PI4KA: variants seen among roughly 807,000 people sequenced by gnomAD.
PI4KA encodes phosphatidylinositol 4-kinase alpha, also known as PI4-kinase alpha.
PI4KA carries 122 observed loss-of-function variants against 271.4 expected under a neutral mutation model. The ratio of observed to expected loss-of-function variants is 0.45; its 90% CI spans 0.39 to 0.52. The LOEUF (loss-of-function observed/expected upper bound fraction) is 0.52. PI4KA is among the 20% of genes least tolerant of loss of function. The pLI is 0.00. For synonymous variants in PI4KA, 1,041 were observed against 1,078.8 expected, an observed-to-expected ratio of 0.96 and a Z score of 0.69; for missense variants, 1,969 against 2,769.1, an observed-to-expected ratio of 0.71 and a Z score of 6.48.
chr22:20,853,851 G>T (rs1341398676), intron 1 of PI4KA, among the ~76,000 whole-genome samples: 1 of 151,874 alleles, frequency 6.6e-6, no homozygotes, highest in Non-Finnish European at 1.5e-5. Context: ...AAGGCAGGAG[G>T]ATCCCTTAAG....
Position 20,768,594 on chromosome 22 carries a change from C to G in PI4KA, c.2329-2901G>C, listed in dbSNP as rs183117307. 3.5e-3 allele frequency among the ~76,000 whole-genome samples: 531 copies of G among 152,322 alleles called. 3 individuals are homozygous for G. The highest frequency in any genetic ancestry group is 6.8e-3 in the Middle Eastern group (2 of 294). On this transcript the variant is annotated intron_variant, in intron 19 of 54. Transcript: ENST00000255882. Reference sequence around the variant, plus strand: ...AATGTCTATATTTCCTGGAGCTCTTCCATCAACATGTTCCTTTTACAATCA... The same window carrying G: ...AATGTCTATATTTCCTGGAGCTCTTGCATCAACATGTTCCTTTTACAATCA...
rs753350770 is a variant in PI4KA, at chr22:20,727,347, A to G, written c.4824T>C (p.His1608=). The G allele has an allele frequency of 3.1e-6, 5 of 1,611,700 alleles. No homozygotes were observed. Among genetic ancestry groups the G allele is most frequent in the Non-Finnish European group, 4.2e-6 (5 of 1,179,536 alleles). Residue 1608 remains histidine (H), a synonymous_variant, in exon 41 of 55, where the codon CAT becomes CAC. Coordinates refer to ENST00000255882, the MANE Select transcript of PI4KA (RefSeq NM_058004.4). ...TIDADAPELS[H]VLCWAPTDPP... Reference sequence around the variant, plus strand: ...GGTCCGTGGGCGCCCAGCACAGCACATGGCTGAGCTCTGGAGCATCGGCGT... The same window carrying G: ...GGTCCGTGGGCGCCCAGCACAGCACGTGGCTGAGCTCTGGAGCATCGGCGT...
At chr22:20,753,201 T>A (rs377474497) in intron 23 of PI4KA, 21 bp from the exon 24 acceptor site, 2 of 1,604,868 alleles carry the variant, frequency 1.2e-6, no homozygotes, top group Non-Finnish European at 1.7e-6. Flanking sequence ...AAGGTTTCCA[T>A]GGATAAGGTG....
chr22:20,712,852 G>A (rs1308905788), intron 48 of PI4KA, 55 bp from the exon 49 acceptor site: 3 of 1,550,590 alleles, frequency 1.9e-6, no homozygotes, highest in East Asian at 2.4e-5. Context: ...CACCCCAGCA[G>A]CTCTTCTGGC....
chr22:20,818,767 C>T (rs535040028), intron 6 of PI4KA, among the ~76,000 whole-genome samples: 276 of 152,340 alleles, frequency 1.8e-3, no homozygotes, highest in African/African-American at 6.6e-3. Context: ...CACTTGATTA[C>T]TGAGCTGAAT....
intron 23 of PI4KA, among the ~76,000 whole-genome samples, chr22:20,757,415 C>T (rs1297577614): frequency 6.6e-6 from 1 of 152,148 alleles, no homozygotes; most frequent in African/African-American, 2.4e-5. Flanking sequence ...AACAATTTAA[C>T]GTCCTCTGAT....
At chr22:20,748,105 G>C (rs5760338) in intron 28 of PI4KA, among the ~76,000 whole-genome samples, 11,588 of 152,274 alleles carry the variant, frequency 0.076, 433 homozygotes, top group African/African-American at 0.09. Context: ...CCAAACACTG[G>C]GTTTCTGTCC....
At chr22:20,810,065 T>C (rs1301985703) in intron 9 of PI4KA, among the ~76,000 whole-genome samples, 1 of 152,150 alleles carries the variant, frequency 6.6e-6, no homozygotes, top group Non-Finnish European at 1.5e-5. Flanking sequence ...CCCATGGTAA[T>C]AATTAGCCTG....
intron 32 of PI4KA, among the ~76,000 whole-genome samples, chr22:20,735,932 T>C (rs1005337311): frequency 6.6e-6 from 1 of 152,190 alleles, no homozygotes; most frequent in African/African-American, 2.4e-5. Flanking sequence ...CCCACCTATT[T>C]GTTACACAAC....
Position 20,707,867 on chromosome 22 carries a change from G to C in PI4KA, c.*180C>G. On this transcript the variant is annotated 3_prime_UTR_variant, in exon 55 of 55. Transcript: ENST00000255882. ...GCACCATCCATTGATTGTCGCTGCAGTCCATGGCGTTACCAAGGCTGCGCC... is the reference window on the plus strand; with the variant it reads ...GCACCATCCATTGATTGTCGCTGCACTCCATGGCGTTACCAAGGCTGCGCC... 1 of 722,908 alleles carries C rather than the reference G, an allele frequency of 1.4e-6. No individual in the cohort carries two copies. Among genetic ancestry groups the C allele is most frequent in the Non-Finnish European group, 2.6e-6 (1 of 391,250 alleles). 44.8% of individuals were successfully genotyped at this position (722,908 alleles called of 1,614,324 possible).
At chr22:20,788,635 G>A (rs1206473379) in intron 19 of PI4KA, among the ~76,000 whole-genome samples, 1 of 152,248 alleles carries the variant, frequency 6.6e-6, no homozygotes, top group Non-Finnish European at 1.5e-5. Context: ...AGCAGATGGT[G>A]CAGGGGCTGG....
Position 20,727,794 on chromosome 22 carries a change from C to T in PI4KA, c.4753G>A (p.Asp1585Asn). ...LVRLDPGAVSDVPEAIKFLVT... is the reference protein window; with the variant it reads ...LVRLDPGAVSNVPEAIKFLVT... ...ACTACCTTGATTGCTTCAGGCACAT[C>T]ACTAACGGCTCCCGGGTCCAACCGA... The change falls in exon 40 of 55, where the codon GAT (aspartate) becomes AAT (asparagine). Residue 1585 changes from aspartate to asparagine, a missense_variant. Asp to Asn is a conservative substitution (Grantham distance 23). This residue lies in a region of PI4KA where 388 missense variants were observed against 521.5 expected (regional missense o/e 0.74). Transcript: ENST00000255882. 6.2e-7 allele frequency: 1 copy of T among 1,614,040 alleles called. No individual in the cohort carries two copies. The highest frequency in any genetic ancestry group is 1.1e-5 in the South Asian group (1 of 91,074).
rs534208411 is a variant in PI4KA at position 20,817,474 on chromosome 22, G to A, written c.856+1009C>T. On this transcript the variant is annotated intron_variant, in intron 7 of 54. Transcript: ENST00000255882. ...TAATGGGCTGGGTATGGTGGTTCAC[G>A]GCTGTAATCCTAGCACTTTGAGAGA... 1.7e-4 allele frequency among the ~76,000 whole-genome samples: 26 copies of A among 151,894 alleles called. No individual in the cohort carries two copies. In the South Asian group the frequency reaches 5.2e-3, roughly 30 times the overall value.
rs1453851056 is a variant in PI4KA at position 20,729,776 on chromosome 22, A to T, written c.4409-65T>A. The T allele has an allele frequency of 8.2e-6, 13 of 1,577,702 alleles. No individual in the cohort carries two copies. In the East Asian group the frequency reaches 2.7e-4, roughly 33 times the overall value. ...CTACCTGTCTGCCCTGAGATTCTAAACCTAGAGGAAGCTTGCAGTGCTCTG... is the reference window on the plus strand; with the variant it reads ...CTACCTGTCTGCCCTGAGATTCTAATCCTAGAGGAAGCTTGCAGTGCTCTG... On this transcript the variant is annotated intron_variant, in intron 37 of 54. Transcript: ENST00000255882.
Position 20,827,363 on chromosome 22 carries a change from G to C in PI4KA, c.368-2949C>G, listed in dbSNP as rs117224611. 5.9e-3 allele frequency among the ~76,000 whole-genome samples: 893 copies of C among 152,212 alleles called. 8 individuals carry two copies. The highest frequency in any genetic ancestry group is 0.055 in the East Asian group (286 of 5,174). On this transcript the variant is annotated intron_variant, in intron 3 of 54. Coordinates refer to ENST00000255882, the MANE Select transcript of PI4KA (RefSeq NM_058004.4). The stretch of plus-strand genomic sequence containing the variant: ...CTCTGTTGAAGATCAGATGGTTCCA[G>C]GTGTGCAGCATTATTTCTGGGCTCT...
At chr22:20,717,399 T>C (rs1485570523) in intron 45 of PI4KA, among the ~76,000 whole-genome samples, 2 of 152,244 alleles carry the variant, frequency 1.3e-5, no homozygotes, top group Non-Finnish European at 2.9e-5. Context: ...CCTGCTCCTG[T>C]AATGCTGGAG....
At position 20,850,304 on chromosome 22, in the gene PI4KA, G is replaced by A. The variant is rs749466983; in HGVS notation, c.156+8266C>T. Among the ~76,000 whole-genome samples, 110 of 152,006 alleles carry A rather than the reference G, an allele frequency of 7.2e-4. 1 individual carries two copies. Among genetic ancestry groups the A allele is most frequent in the Non-Finnish European group, 1.2e-3 (80 of 68,008 alleles). On this transcript the variant is annotated intron_variant, in intron 1 of 54. Coordinates refer to ENST00000255882, the MANE Select transcript of PI4KA (RefSeq NM_058004.4). ...TAACACCAGCACTTTGGGAGGCCAAGGCAGGTGGATCACTTGAGGCCAGGA... is the reference window on the plus strand; with the variant it reads ...TAACACCAGCACTTTGGGAGGCCAAAGCAGGTGGATCACTTGAGGCCAGGA...
chr22:20,715,318 G>C (rs1378526919), intron 45 of PI4KA, among the ~76,000 whole-genome samples: 5 of 151,924 alleles, frequency 3.3e-5, no homozygotes, highest in Non-Finnish European at 5.9e-5. Context: ...TGATCCACCT[G>C]TCTTGGCCTC....
chr22:20,819,636 C>G lies in PI4KA; in HGVS notation c.789+5G>C, dbSNP rs1307869008. On this transcript the variant is annotated splice_donor_5th_base_variant and intron_variant, in intron 6 of 54. Transcript: ENST00000255882. ...TCTGCTCTTTCCCCAGTAGCCCAGGCCCACCTGAGAGATGCTGGACACACT... is the reference window on the plus strand; with the variant it reads ...TCTGCTCTTTCCCCAGTAGCCCAGGGCCACCTGAGAGATGCTGGACACACT... 1 of 1,611,586 alleles carries G rather than the reference C, an allele frequency of 6.2e-7. No homozygotes were observed. The highest frequency in any genetic ancestry group is 2.2e-5 in the East Asian group (1 of 44,880).
Sources: allele counts gnomAD v4.1 joint callset (sites outside exome capture counted in the v4.1 genomes callset), GRCh38; gene constraint gnomAD v4.1.1; regional missense constraint gnomAD v4.1.1; transcripts MANE v1.5; gene names NCBI Gene and HGNC (gene_info 2026-07-23, HGNC 2026-07-21).